PTPRN2: variants seen among roughly 807,000 people sequenced by gnomAD.
PTPRN2 encodes the protein receptor-type tyrosine-protein phosphatase N2.
In PTPRN2, 74 loss-of-function variants were observed where a neutral mutation model predicts 118.8. The ratio of observed to expected loss-of-function variants is 0.62; its 90% CI spans 0.52 to 0.76. The LOEUF (loss-of-function observed/expected upper bound fraction) is 0.76, where lower values mean the gene tolerates loss of function less well. Among genes scored for constraint, PTPRN2 ranks in the 30% least tolerant of loss-of-function variants. The pLI is 0.00. For missense variants in PTPRN2, 1,481 were observed against 1,394.4 expected, an observed-to-expected ratio of 1.06 and a Z score of -0.99; for synonymous variants, 641 against 608.0, an observed-to-expected ratio of 1.05 and a Z score of -0.80.
At chr7:158,197,621 G>T (rs1249508722) in intron 4 of PTPRN2, among the ~76,000 whole-genome samples, 1 of 152,308 alleles carries the variant, frequency 6.6e-6, no homozygotes, top group Non-Finnish European at 1.5e-5. Flanking sequence ...AATTTATAAA[G>T]GAGAGGTTTA....
chr7:157,700,449 G>A (rs914632534), intron 12 of PTPRN2, among the ~76,000 whole-genome samples: 1 of 152,174 alleles, frequency 6.6e-6, no homozygotes, highest in African/African-American at 2.4e-5. Flanking sequence ...AGCCTGTCCT[G>A]AATGTCCATC....
chr7:157,605,186 G>C (rs968685087), intron 15 of PTPRN2, among the ~76,000 whole-genome samples: 8 of 152,260 alleles, frequency 5.3e-5, no homozygotes, highest in Non-Finnish European at 1.2e-4. Context: ...TGTGTGAGGA[G>C]CACGGGGTCT....
At chr7:157,686,156 G>A (rs1797179312) in intron 12 of PTPRN2, among the ~76,000 whole-genome samples, 1 of 152,200 alleles carries the variant, frequency 6.6e-6, no homozygotes, top group Non-Finnish European at 1.5e-5. Context: ...CACAGAAGTC[G>A]CTGGATCCCA....
At chr7:158,524,179 A>G (rs867820496) in intron 1 of PTPRN2, among the ~76,000 whole-genome samples, 19 of 25,594 alleles carry the variant, frequency 7.4e-4, no homozygotes, top group Admixed American at 1.1e-3. Context: ...GGAGTCGTCT[A>G]CCCTGGAGTG....
intron 4 of PTPRN2, among the ~76,000 whole-genome samples, chr7:158,198,625 A>G (rs1314150174): frequency 1.3e-5 from 2 of 152,170 alleles, no homozygotes; most frequent in Non-Finnish European, 2.9e-5. Flanking sequence ...ATTTAGCATG[A>G]TCCCTGGTTC....
At position 157,560,187 on chromosome 7, in the gene PTPRN2, C is replaced by A. The variant is rs187488945; in HGVS notation, c.2902+8715G>T. 1.4e-3 allele frequency among the ~76,000 whole-genome samples: 211 copies of A among 152,242 alleles called. No homozygotes were observed. The highest frequency in any genetic ancestry group is 2.5e-3 in the Non-Finnish European group (167 of 67,998). On this transcript the variant is annotated intron_variant, in intron 21 of 22. Transcript: ENST00000389418. This position sits in a 1 kb window ranked among gnomAD's most constrained non-coding sequence, Gnocchi z 6.7. ...TGGGTGAGGAGCCCCTGCAGCCAGG[C>A]TATGTGAACCCTGGCTCAGCAGGGT...
At position 158,555,123 on chromosome 7, in the gene PTPRN2, A is replaced by G. The variant is rs564779860; in HGVS notation, c.112+32435T>C. 3.8e-3 allele frequency among the ~76,000 whole-genome samples: 581 copies of G among 152,338 alleles called. 3 individuals carry two copies. The highest frequency in any genetic ancestry group is 0.013 in the African/African-American group (559 of 41,568). On this transcript the variant is annotated intron_variant, in intron 1 of 22. Transcript: ENST00000389418. The surrounding 1 kb of genome is among the most constrained non-coding windows in gnomAD (Gnocchi z 4.7). ...AAGAGCGTCACAGTGGAATGAGAGG[A>G]AAGCCTGTGAGAACAAACGGATCTC...
chr7:158,191,031 C>G (rs915105201), intron 5 of PTPRN2, among the ~76,000 whole-genome samples: 1 of 152,262 alleles, frequency 6.6e-6, no homozygotes, highest in African/African-American at 2.4e-5. Flanking sequence ...GTGGGGCCAA[C>G]TTCTGTGGAA....
chr7:157,844,821 T>A (rs1410042032), intron 12 of PTPRN2, among the ~76,000 whole-genome samples: 1 of 152,192 alleles, frequency 6.6e-6, no homozygotes, highest in Non-Finnish European at 1.5e-5. Context: ...GATAGCAGTA[T>A]GTTAGCATCT....
intron 3 of PTPRN2, among the ~76,000 whole-genome samples, chr7:158,316,020 C>T (rs1406797485): frequency 6.6e-6 from 1 of 152,160 alleles, no homozygotes; most frequent in Non-Finnish European, 1.5e-5. Flanking sequence ...CTGCTGTGGC[C>T]ACCCTTGAGT....
chr7:158,508,262 G>A (rs915586439), intron 1 of PTPRN2, among the ~76,000 whole-genome samples: 4 of 152,194 alleles, frequency 2.6e-5, no homozygotes, highest in Non-Finnish European at 1.5e-5. Context: ...TGACACTGTG[G>A]TCATCCGAAA....
At position 158,503,519 on chromosome 7, in the gene PTPRN2, A is replaced by G. The variant is rs145054040; in HGVS notation, c.113-13734T>C. ...TTTCCCAAACTGGAAGCATCCGTTC[A>G]TTGCACATCTCTGAAGAGGCAGAGC... On this transcript the variant is annotated intron_variant, in intron 1 of 22. Transcript: ENST00000389418. 2.7e-3 allele frequency among the ~76,000 whole-genome samples: 414 copies of G among 152,326 alleles called. 1 individual carries two copies. The highest frequency in any genetic ancestry group is 8.8e-3 in the African/African-American group (364 of 41,566).
At chr7:157,991,893 CA>C (rs1201880564) in intron 11 of PTPRN2, among the ~76,000 whole-genome samples, 1 of 151,382 alleles carries the variant, frequency 6.6e-6, no homozygotes, top group African/African-American at 2.5e-5. Context: ...TCCCGGGGCT[CA>C]AAAAAGGCTC....
At chr7:158,070,422 T>TGGA (rs1218768149) in intron 11 of PTPRN2, among the ~76,000 whole-genome samples, 5 of 96,636 alleles carry the variant, frequency 5.2e-5, no homozygotes, top group East Asian at 3.0e-4. Context: ...CTCGTGGTGG[T>TGGA]GGTGCTCGTG....
intron 11 of PTPRN2, among the ~76,000 whole-genome samples, chr7:158,070,958 G>A (rs537888898): frequency 5.9e-5 from 7 of 119,210 alleles, no homozygotes; most frequent in Admixed American, 5.5e-4. Flanking sequence ...CCGTGGTGGT[G>A]GAGGTGCTCA....
At chr7:157,581,081 G>A (rs1222974519) in intron 17 of PTPRN2, among the ~76,000 whole-genome samples, 5 of 79,206 alleles carry the variant, frequency 6.3e-5, no homozygotes, top group Non-Finnish European at 1.2e-4. Context: ...CTGCACACCC[G>A]AGCCCCTGCA....
In PTPRN2 at chr7:157,629,875, T is replaced by C. The variant is rs900052925; in HGVS notation, c.2197-8366A>G. ...TAGAATCCCTTTACATTTTCCTTCTTGTGACGAGACCACAGGTTTGTGTGT... is the reference window on the plus strand; with the variant it reads ...TAGAATCCCTTTACATTTTCCTTCTCGTGACGAGACCACAGGTTTGTGTGT... On this transcript the variant is annotated intron_variant, in intron 14 of 22. Transcript: ENST00000389418. This position sits in a 1 kb window ranked among gnomAD's most constrained non-coding sequence, Gnocchi z 4.4. Among the ~76,000 whole-genome samples, 1 of 152,262 alleles carries C rather than the reference T, an allele frequency of 6.6e-6. No individual in the cohort carries two copies. The highest frequency in any genetic ancestry group is 2.1e-4 in the South Asian group (1 of 4,832).
At chr7:157,783,774 C>T (rs920695636) in intron 12 of PTPRN2, among the ~76,000 whole-genome samples, 5 of 151,898 alleles carry the variant, frequency 3.3e-5, no homozygotes, top group African/African-American at 7.3e-5. Context: ...CATGTGGATT[C>T]GTATGACCCT....
chr7:158,013,084 C>G (rs1027143318), intron 11 of PTPRN2, among the ~76,000 whole-genome samples: 20 of 152,156 alleles, frequency 1.3e-4, no homozygotes, highest in African/African-American at 4.8e-4. Flanking sequence ...CTCGTAAGGC[C>G]AGTGAACACC....
Sources: allele counts gnomAD v4.1 joint callset (sites outside exome capture counted in the v4.1 genomes callset), GRCh38; gene constraint gnomAD v4.1.1; non-coding constraint Gnocchi (gnomAD v3.1); transcripts MANE v1.5; gene names NCBI Gene and HGNC (gene_info 2026-07-23, HGNC 2026-07-21).